Variants in DNAH11 observed in about 807,000 individuals in gnomAD.
DNAH11 encodes the protein dynein axonemal heavy chain 11, also known as axonemal beta dynein heavy chain 11.
DNAH11 carries 442 observed loss-of-function variants against 526.0 expected under a neutral mutation model. The ratio of observed to expected loss-of-function variants is 0.84; its 90% confidence interval spans 0.78 to 0.91. DNAH11 has a LOEUF of 0.91. Among genes scored for constraint, DNAH11 ranks in the 40% least tolerant of loss-of-function variants. DNAH11 has a pLI of 0.00. For synonymous variants in DNAH11, 2,461 were observed against 1,935.9 expected (o/e 1.27, Z -7.12); for missense variants, 6,989 against 5,448.7 (o/e 1.28, Z -8.90).
chr7:21,780,064 G>C (rs1316852213), intron 57 of DNAH11, among the ~76,000 whole-genome samples: 2 of 150,772 alleles, frequency 1.3e-5, no homozygotes, highest in Non-Finnish European at 2.9e-5. Flanking sequence ...TGTTTTCCTT[G>C]CACAACTAAA....
intron 55 of DNAH11, among the ~76,000 whole-genome samples, chr7:21,765,946 C>G (rs1306405524): frequency 6.6e-6 from 1 of 152,134 alleles, no homozygotes; most frequent in East Asian, 1.9e-4. Flanking sequence ...TCCTTTAAGT[C>G]CAAACTAAAA....
chr7:21,589,313 T>C lies in DNAH11; in HGVS notation c.2079T>C (p.Asn693=). 5 of 1,611,540 alleles carry C rather than the reference T, an allele frequency of 3.1e-6. No individual in the cohort carries two copies. The highest frequency in any genetic ancestry group is 4.2e-6 in the Non-Finnish European group (5 of 1,178,960). ...ESRIYNEWKS[N]VDEICEFNLN... ...GTATCTATAATGAATGGAAAAGTAA[T>C]GTGGATGAAATCTGTGAATTCAATT... The change falls in exon 12 of 82, where the codon AAT becomes AAC. Residue 693 remains asparagine, a synonymous_variant. Coordinates refer to ENST00000409508, the MANE Select transcript of DNAH11 (RefSeq NM_001277115.2).
At chr7:21,590,575 A>G (rs1159184609) in intron 12 of DNAH11, among the ~76,000 whole-genome samples, 3 of 152,216 alleles carry the variant, frequency 2.0e-5, no homozygotes, top group Non-Finnish European at 4.4e-5. Context: ...TTTCCCTAAA[A>G]TATGTACAGA....
chr7:21,840,042 G>A (rs79339039), intron 65 of DNAH11, among the ~76,000 whole-genome samples: 1,706 of 152,246 alleles, frequency 0.011, 41 homozygotes, highest in African/African-American at 0.039. Flanking sequence ...ACAGCCAGTG[G>A]TTCAGAGGCA....
At chr7:21,774,799 A>G (rs545466160) in intron 56 of DNAH11, among the ~76,000 whole-genome samples, 1 of 152,156 alleles carries the variant, frequency 6.6e-6, no homozygotes, top group East Asian at 1.9e-4. Flanking sequence ...GAAGACTTTG[A>G]AGAGTAGCCC....
At chr7:21,842,905 A>C (rs1480328753) in intron 66 of DNAH11, among the ~76,000 whole-genome samples, 157 bp downstream of exon 66, 1 of 152,238 alleles carries the variant, frequency 6.6e-6, no homozygotes, top group Non-Finnish European at 1.5e-5. Flanking sequence ...AAACAATTCA[A>C]AGTTGCTCTT....
At chr7:21,734,062 C>A (rs1162517200) in intron 45 of DNAH11, among the ~76,000 whole-genome samples, 2 of 152,136 alleles carry the variant, frequency 1.3e-5, no homozygotes, top group African/African-American at 4.8e-5. Flanking sequence ...CAGCCTGGCT[C>A]CAGAGTCCGT....
chr7:21,616,128 A>G (rs1159774001), intron 21 of DNAH11, 81 bp from the exon 22 acceptor site: 2 of 1,006,624 alleles, frequency 2.0e-6, no homozygotes, highest in African/African-American at 3.2e-5. Flanking sequence ...GTTACAGTGT[A>G]TCATCAGTTT....
intron 65 of DNAH11, among the ~76,000 whole-genome samples, chr7:21,834,648 CAGAG>C (rs1238470958): frequency 3.9e-4 from 60 of 152,188 alleles, no homozygotes; most frequent in Non-Finnish European, 8.1e-4. Context: ...ACCTGGTCAA[CAGAG>C]AGAAACCCTA....
chr7:21,717,653 C>T, intron 42 of DNAH11, 122 bp from the exon 43 acceptor site: 1 of 1,123,204 alleles, frequency 8.9e-7, no homozygotes, highest in Non-Finnish European at 1.2e-6. Context: ...ATAGAACGAA[C>T]TCACTAAACG....
chr7:21,871,362 C>T lies in DNAH11; in HGVS notation c.11968-1912C>T, dbSNP rs529869208. 2.0e-5 allele frequency among the ~76,000 whole-genome samples: 3 copies of T among 152,268 alleles called. No homozygotes were observed. The South Asian group carries it at 6.2e-4, about 32-fold the overall frequency. On this transcript the variant is annotated intron_variant, in intron 73 of 81. Transcript: ENST00000409508. Reference sequence around the variant, plus strand: ...GCATTGCTGTTCTTGGAAAAATAGGCATAAGAATCTAGCCAGTCCCAAAGC... The same window carrying T: ...GCATTGCTGTTCTTGGAAAAATAGGTATAAGAATCTAGCCAGTCCCAAAGC...
chr7:21,765,304 G>C, intron 54 of DNAH11, 124 bp from the exon 55 acceptor site: 1 of 1,398,040 alleles, frequency 7.2e-7, no homozygotes, highest in Admixed American at 1.8e-5. Flanking sequence ...CCACTCTCTA[G>C]GGCTTTAGGG....
At chr7:21,889,823 A>G (rs760072353) in intron 76 of DNAH11, among the ~76,000 whole-genome samples, 1 of 152,212 alleles carries the variant, frequency 6.6e-6, no homozygotes, top group Non-Finnish European at 1.5e-5. Context: ...TGGCCCCATT[A>G]GCAAAAAGCA....
intron 30 of DNAH11, among the ~76,000 whole-genome samples, chr7:21,665,310 GT>G (rs1200941985): frequency 1.3e-5 from 2 of 152,062 alleles, no homozygotes; most frequent in Non-Finnish European, 2.9e-5. Context: ...GATGATTATT[GT>G]TGGTAATACT....
At chr7:21,863,997 G>A (rs1193996088) in intron 69 of DNAH11, among the ~76,000 whole-genome samples, 2 of 152,136 alleles carry the variant, frequency 1.3e-5, no homozygotes, top group Non-Finnish European at 2.9e-5. Context: ...TCAGTTCTGT[G>A]ACCAGAATGT....
At chr7:21,616,552 C>G (rs1396693592) in intron 22 of DNAH11, among the ~76,000 whole-genome samples, 1 of 152,050 alleles carries the variant, frequency 6.6e-6, no homozygotes, top group Non-Finnish European at 1.5e-5. Flanking sequence ...CTACAGCTTC[C>G]TAGAACAGAG....
chr7:21,585,591 A>T (rs2128441924), intron 9 of DNAH11, among the ~76,000 whole-genome samples: 1 of 152,318 alleles, frequency 6.6e-6, no homozygotes, highest in South Asian at 2.1e-4. Context: ...AACCAAAACC[A>T]AATACTACTG....
At chr7:21,725,753 T>G in intron 44 of DNAH11, 58 bp from the exon 45 acceptor site, 3 of 1,520,082 alleles carry the variant, frequency 2.0e-6, no homozygotes, top group South Asian at 1.3e-5. Context: ...ATTTGTTTCT[T>G]TTTTTACAGT....
At chr7:21,847,153 T>C (rs1782451060) in intron 66 of DNAH11, among the ~76,000 whole-genome samples, 1 of 152,190 alleles carries the variant, frequency 6.6e-6, no homozygotes, top group Non-Finnish European at 1.5e-5. Flanking sequence ...GATTTTAGTT[T>C]CTCTACTGAT....
Sources: gnomAD v4.1 joint callset for allele counts (sites outside exome capture counted in the v4.1 genomes callset) on GRCh38, gnomAD v4.1.1 for gene constraint, MANE v1.5 for transcripts, NCBI Gene and HGNC (gene_info 2026-07-23, HGNC 2026-07-21) for gene names.